PIGL: variants seen among roughly 807,000 people sequenced by gnomAD.
PIGL encodes the protein N-acetylglucosaminyl-phosphatidylinositol de-N-acetylase.
Under a neutral mutation model 31.1 loss-of-function variants are expected in PIGL, and 22 were observed. The ratio of observed to expected loss-of-function variants is 0.71; its 90% CI spans 0.51 to 1.01. The LOEUF (loss-of-function observed/expected upper bound fraction) is 1.01. PIGL is among the 50% of genes least tolerant of loss of function. The pLI is 0.00. For synonymous variants in PIGL, 131 were observed against 117.4 expected, an observed-to-expected ratio of 1.12 and a Z score of -0.75; for missense variants, 302 against 315.9, an observed-to-expected ratio of 0.96 and a Z score of 0.33.
At chr17:16,231,606 T>C (rs1248724495) in intron 1 of PIGL, among the ~76,000 whole-genome samples, 1 of 152,120 alleles carries the variant, frequency 6.6e-6, no homozygotes, top group Admixed American at 6.6e-5. Context: ...ATTTTTTAAG[T>C]AAAATAAAAT....
At chr17:16,240,060 G>A (rs1467291462) in intron 2 of PIGL, among the ~76,000 whole-genome samples, 1 of 152,168 alleles carries the variant, frequency 6.6e-6, no homozygotes, top group African/African-American at 2.4e-5. Context: ...GAGGTGATTG[G>A]ATCATGGAGG....
intron 1 of PIGL, among the ~76,000 whole-genome samples, chr17:16,228,269 G>T (rs1024956278): frequency 2.0e-5 from 3 of 151,262 alleles, no homozygotes; most frequent in African/African-American, 7.3e-5. Flanking sequence ...TGTTGGCCAG[G>T]CTTGTCTTGA....
chr17:16,242,865 C>T (rs1267254657), intron 2 of PIGL, among the ~76,000 whole-genome samples: 1 of 151,576 alleles, frequency 6.6e-6, no homozygotes, highest in Non-Finnish European at 1.5e-5. Flanking sequence ...TGGTCCACTT[C>T]CCAAAGTGCT....
chr17:16,261,414 A>G (rs1178336663), intron 2 of PIGL, among the ~76,000 whole-genome samples: 2 of 152,246 alleles, frequency 1.3e-5, no homozygotes, highest in Non-Finnish European at 2.9e-5. Context: ...GAAAAAATAG[A>G]TAAATTGGAC....
intron 2 of PIGL, among the ~76,000 whole-genome samples, chr17:16,257,989 G>C (rs1231128911): frequency 6.7e-6 from 1 of 149,726 alleles, no homozygotes; most frequent in Non-Finnish European, 1.5e-5. Flanking sequence ...CTTGAACCTG[G>C]GAGGCTGAGG....
chr17:16,233,015 G>A (rs1012675536), intron 1 of PIGL, among the ~76,000 whole-genome samples: 4 of 151,874 alleles, frequency 2.6e-5, no homozygotes, highest in Non-Finnish European at 1.5e-5. Flanking sequence ...CTACTGAGCT[G>A]AGGCAGGAGA....
intron 2 of PIGL, among the ~76,000 whole-genome samples, chr17:16,271,825 C>T (rs1050645271): frequency 1.3e-5 from 2 of 152,092 alleles, no homozygotes; most frequent in Non-Finnish European, 2.9e-5. Flanking sequence ...CCACTGTGCC[C>T]GGCCAGAACA....
At chr17:16,288,223 C>A (rs942305868) in intron 2 of PIGL, among the ~76,000 whole-genome samples, 1 of 151,926 alleles carries the variant, frequency 6.6e-6, no homozygotes, top group Non-Finnish European at 1.5e-5. Context: ...TTCTTTCTTT[C>A]GAGACGAAGT....
chr17:16,228,050 C>CTTTT (rs113533456), intron 1 of PIGL, among the ~76,000 whole-genome samples: 1 of 127,848 alleles, frequency 7.8e-6, no homozygotes, highest in Non-Finnish European at 1.7e-5. Flanking sequence ...CCATTTTAAA[C>CTTTT]TTTTTTTTTT....
At chr17:16,266,909 G>C (rs866236448) in intron 2 of PIGL, among the ~76,000 whole-genome samples, 4 of 120,332 alleles carry the variant, frequency 3.3e-5, no homozygotes, top group East Asian at 2.7e-4. Flanking sequence ...TTTTTTTTGG[G>C]GGGGGGGGGG....
intron 2 of PIGL, among the ~76,000 whole-genome samples, chr17:16,267,476 C>CA (rs1449320618): frequency 2.6e-5 from 4 of 152,038 alleles, no homozygotes; most frequent in Non-Finnish European, 2.9e-5. Flanking sequence ...CCACGCAGTT[C>CA]AAACGTGTTG....
intron 3 of PIGL, among the ~76,000 whole-genome samples, chr17:16,306,550 T>C (rs1013158534): frequency 5.8e-5 from 8 of 138,346 alleles, no homozygotes; most frequent in Non-Finnish European, 1.2e-4. Flanking sequence ...TTTCTTGAGA[T>C]AGAGTTTCCC....
chr17:16,252,097 CAG>C (rs2092775210), intron 2 of PIGL, among the ~76,000 whole-genome samples: 1 of 108,064 alleles, frequency 9.3e-6, no homozygotes, highest in Admixed American at 8.9e-5. Flanking sequence ...TTTGTTGAGA[CAG>C]AGTCTCGCTC....
At chr17:16,260,853 C>A (rs1321088523) in intron 2 of PIGL, among the ~76,000 whole-genome samples, 1 of 152,150 alleles carries the variant, frequency 6.6e-6, no homozygotes, top group Non-Finnish European at 1.5e-5. Flanking sequence ...GTCACAGTGG[C>A]TCACACCTGT....
At chr17:16,315,706 TTC>T (rs561300978) in intron 4 of PIGL, among the ~76,000 whole-genome samples, 15,203 of 78,860 alleles carry the variant, frequency 0.19, 2,709 homozygotes, top group Non-Finnish European at 0.23. Flanking sequence ...CTTTCTTTCT[TTC>T]TTTTTTTTTT....
chr17:16,297,527 A>C (rs1466221937), intron 2 of PIGL, among the ~76,000 whole-genome samples: 1 of 152,196 alleles, frequency 6.6e-6, no homozygotes, highest in African/African-American at 2.4e-5. Context: ...CATTTATGTG[A>C]ACCTCTCAGC....
chr17:16,291,521 A>AAG (rs1568826864), intron 2 of PIGL, among the ~76,000 whole-genome samples: 2 of 140,214 alleles, frequency 1.4e-5, no homozygotes, highest in Admixed American at 7.5e-5. Context: ...AAAAAAAAAA[A>AAG]AAAGAAAGAA....
chr17:16,271,520 A>G (rs1464300000), intron 2 of PIGL, among the ~76,000 whole-genome samples: 5 of 151,798 alleles, frequency 3.3e-5, no homozygotes, highest in Admixed American at 2.0e-4. Flanking sequence ...GTGTGTCCCA[A>G]ATTTCACATA....
chr17:16,314,985 C>A (rs62074185), intron 4 of PIGL, among the ~76,000 whole-genome samples: 3 of 152,138 alleles, frequency 2.0e-5, no homozygotes, highest in Admixed American at 2.0e-4. Context: ...GAGAAAGGAT[C>A]AGGTCAGGTC....
Sources: allele counts gnomAD v4.1 joint callset (sites outside exome capture counted in the v4.1 genomes callset), GRCh38; gene constraint gnomAD v4.1.1; transcripts MANE v1.5; gene names NCBI Gene and HGNC (gene_info 2026-07-23, HGNC 2026-07-21).